TACC2: variants seen among roughly 807,000 people sequenced by gnomAD.
The protein encoded by TACC2 is transforming acidic coiled-coil containing protein 2.
Under a neutral mutation model 227.3 loss-of-function variants are expected in TACC2, and 137 were observed. The ratio of observed to expected loss-of-function variants is 0.60; its 90% CI spans 0.52 to 0.69. The LOEUF (loss-of-function observed/expected upper bound fraction) is 0.69. TACC2 is among the 30% of genes least tolerant of loss of function. The pLI is 0.00. For missense variants in TACC2, 3,470 were observed against 3,694.4 expected (o/e 0.94, Z 1.57); for synonymous variants, 1,523 against 1,487.5 (o/e 1.02, Z -0.55).
rs118064239 is a variant in TACC2, at chr10:122,099,206, G to C, written c.5573+10615G>C. Among the ~76,000 whole-genome samples the C allele has an allele frequency of 9.8e-3, 1,495 of 152,296 alleles. 12 individuals are homozygous for C. The highest frequency in any genetic ancestry group is 0.015 in the Non-Finnish European group (996 of 68,020). ...AGACGCCATAACATAATAGCTGGAG[G>C]AGTAGACTGTTCCTGGCAAGTGACG... On this transcript the variant is annotated intron_variant, in intron 5 of 22. Transcript: ENST00000369005.
At chr10:122,105,534 C>T (rs2082652031) in intron 5 of TACC2, among the ~76,000 whole-genome samples, 1 of 152,136 alleles carries the variant, frequency 6.6e-6, no homozygotes, top group Non-Finnish European at 1.5e-5. Flanking sequence ...CTGACTGTAC[C>T]TGGTGTCTGC....
chr10:122,163,258 C>T (rs1353490848), intron 7 of TACC2, among the ~76,000 whole-genome samples: 3 of 152,074 alleles, frequency 2.0e-5, no homozygotes, highest in African/African-American at 7.2e-5. Flanking sequence ...TCCAGCCATC[C>T]CCTTAGTCCT....
intron 9 of TACC2, chr10:122,213,243 C>T (rs117014229): frequency 0.021 from 27,246 of 1,276,946 alleles, 446 homozygotes; most frequent in Admixed American, 0.052. Flanking sequence ...CAGCGGTGGC[C>T]GCCATATCCT....
At chr10:122,055,320 A>C (rs2076121178) in intron 3 of TACC2, among the ~76,000 whole-genome samples, 1 of 152,188 alleles carries the variant, frequency 6.6e-6, no homozygotes, top group African/African-American at 2.4e-5. Flanking sequence ...GTGCACAGGC[A>C]CAGTGAAAAA....
At chr10:122,161,484 A>G (rs755031700) in intron 7 of TACC2, among the ~76,000 whole-genome samples, 5 of 152,236 alleles carry the variant, frequency 3.3e-5, no homozygotes, top group Non-Finnish European at 7.3e-5. Flanking sequence ...CCCTTGCAAA[A>G]TAGATGCTTT....
chr10:122,219,044 A>C (rs2095471488), intron 11 of TACC2, among the ~76,000 whole-genome samples: 1 of 150,552 alleles, frequency 6.6e-6, no homozygotes, highest in Admixed American at 6.6e-5. Flanking sequence ...AAGAAAAGTG[A>C]CCATCTTGCT....
intron 19 of TACC2, among the ~76,000 whole-genome samples, chr10:122,242,763 T>A (rs950251542): frequency 2.8e-4 from 42 of 152,174 alleles, no homozygotes; most frequent in Admixed American, 9.2e-4. Context: ...GGGATTTTTT[T>A]AAAATTAATT....
intron 2 of TACC2, chr10:122,032,992 A>G: frequency 1.5e-6 from 1 of 669,436 alleles, no homozygotes; most frequent in East Asian, 7.1e-5. Context: ...AACAACAACA[A>G]CAACAACAAA....
intron 7 of TACC2, among the ~76,000 whole-genome samples, chr10:122,160,903 T>C (rs896413530): frequency 6.6e-6 from 1 of 152,182 alleles, no homozygotes; most frequent in South Asian, 2.1e-4. Flanking sequence ...GGGTTTTAGT[T>C]GTATCGACTG....
At chr10:122,005,431 A>G (rs1475785530) in intron 1 of TACC2, among the ~76,000 whole-genome samples, 1 of 134,242 alleles carries the variant, frequency 7.4e-6, no homozygotes, top group Non-Finnish European at 1.6e-5. Context: ...CCCAGGCTGG[A>G]TGGAGTGCAG....
At chr10:121,998,196 C>T (rs958650440) in intron 1 of TACC2, among the ~76,000 whole-genome samples, 2 of 151,678 alleles carry the variant, frequency 1.3e-5, no homozygotes, top group African/African-American at 4.8e-5. Flanking sequence ...CCTGTAGTCC[C>T]AGCTACTCGG....
At chr10:122,237,663 G>A (rs973800206) in intron 17 of TACC2, 125 bp downstream of exon 17, 5 of 1,216,046 alleles carry the variant, frequency 4.1e-6, no homozygotes, top group Non-Finnish European at 5.6e-6. Context: ...AAAGATGTGT[G>A]GCACACCATG....
At chr10:122,001,170 A>G (rs758570595) in intron 1 of TACC2, among the ~76,000 whole-genome samples, 2 of 152,218 alleles carry the variant, frequency 1.3e-5, no homozygotes, top group Non-Finnish European at 2.9e-5. Flanking sequence ...AATCAGTAAT[A>G]TTAAAGTATG....
intron 7 of TACC2, among the ~76,000 whole-genome samples, chr10:122,174,247 C>G (rs2093607942): frequency 6.6e-6 from 1 of 152,206 alleles, no homozygotes; most frequent in Non-Finnish European, 1.5e-5. Context: ...AGCCAGCACT[C>G]CCAAGATAGA....
intron 2 of TACC2, among the ~76,000 whole-genome samples, chr10:122,031,977 G>A (rs1007665555): frequency 6.6e-6 from 1 of 152,122 alleles, no homozygotes; most frequent in Non-Finnish European, 1.5e-5. Context: ...CAAAGTGCTG[G>A]GATTACAGGC....
At chr10:122,164,097 G>T in intron 7 of TACC2, 1 of 1,388,354 alleles carries the variant, frequency 7.2e-7, no homozygotes, top group Non-Finnish European at 9.9e-7. Flanking sequence ...CTGGAGCCCA[G>T]GCTGGCCTGG....
intron 16 of TACC2, among the ~76,000 whole-genome samples, chr10:122,233,014 T>C (rs2095788878): frequency 6.6e-6 from 1 of 152,194 alleles, no homozygotes; most frequent in Admixed American, 6.5e-5. Context: ...TTTCCGGTTG[T>C]TCCCTAGAGC....
At chr10:122,036,945 T>C (rs775822593) in intron 2 of TACC2, among the ~76,000 whole-genome samples, 5 of 152,210 alleles carry the variant, frequency 3.3e-5, no homozygotes, top group Admixed American at 2.0e-4. Flanking sequence ...CAATACTTGT[T>C]ACTTTGTTTT....
chr10:122,077,662 A>G (rs1259821672), intron 3 of TACC2, among the ~76,000 whole-genome samples: 2 of 152,242 alleles, frequency 1.3e-5, no homozygotes, highest in South Asian at 2.1e-4. Context: ...CTGGCAGAAC[A>G]GAATGAAGGG....
Sources: gnomAD v4.1 joint callset for allele counts (sites outside exome capture counted in the v4.1 genomes callset) on GRCh38, gnomAD v4.1.1 for gene constraint, MANE v1.5 for transcripts, NCBI Gene and HGNC (gene_info 2026-07-23, HGNC 2026-07-21) for gene names.